VWC2: variants seen among roughly 807,000 people sequenced by gnomAD.
The protein encoded by VWC2 is brorin.
VWC2 carries 14 observed loss-of-function variants against 29.8 expected under a neutral mutation model. The observed-to-expected ratio is 0.47, with a 90% CI of 0.31 to 0.74. The LOEUF is 0.74. VWC2 is among the 30% of genes least tolerant of loss of function. The pLI is 0.05. For missense variants in VWC2, 457 were observed against 459.8 expected (o/e 0.99, Z 0.05); for synonymous variants, 213 against 199.0 (o/e 1.07, Z -0.59).
intron 3 of VWC2, among the ~76,000 whole-genome samples, chr7:49,875,050 A>G (rs1462938774): frequency 1.4e-5 from 2 of 147,808 alleles, no homozygotes; most frequent in Non-Finnish European, 3.0e-5. Flanking sequence ...TGTTTCTGTG[A>G]AAAAAAAAAG....
chr7:49,830,885 A>G (rs958788206), intron 3 of VWC2, among the ~76,000 whole-genome samples: 15 of 152,116 alleles, frequency 9.9e-5, no homozygotes, highest in Admixed American at 1.3e-4. Flanking sequence ...TCCATGGTGT[A>G]TATGTGCCAC....
intron 2 of VWC2, among the ~76,000 whole-genome samples, chr7:49,788,332 A>C (rs554100315): frequency 2.5e-4 from 38 of 152,310 alleles, no homozygotes; most frequent in African/African-American, 8.4e-4. Flanking sequence ...CTTTGGGCAA[A>C]GGCAGACTGA....
intron 3 of VWC2, among the ~76,000 whole-genome samples, chr7:49,867,877 A>C (rs549443277): frequency 5.3e-4 from 80 of 150,904 alleles, no homozygotes; most frequent in African/African-American, 1.9e-3. Context: ...CCTGTTGCCC[A>C]TGCTGGAGTG....
Position 49,917,216 on chromosome 7 carries a change from C to T in VWC2, c.*5031C>T, listed in dbSNP as rs1163848886. The stretch of plus-strand genomic sequence containing the variant: ...TAGCTTCCATAATCTGAATGATAAC[C>T]ATTTAAAAGTGATGGTTGTTGAAAT... On this transcript the variant is annotated 3_prime_UTR_variant, in exon 4 of 4. Transcript: ENST00000340652. 6.6e-6 allele frequency: 1 copy of T among 151,978 alleles called. No individual in the cohort carries two copies. Among genetic ancestry groups the T allele is most frequent in the African/African-American group, 2.4e-5 (1 of 41,388 alleles). The allele number at this position is 151,978 out of a possible 1,614,324, so 9.4% of individuals were successfully genotyped here.
chr7:49,886,706 T>G (rs1791919125), intron 3 of VWC2, among the ~76,000 whole-genome samples: 1 of 152,206 alleles, frequency 6.6e-6, no homozygotes, highest in Non-Finnish European at 1.5e-5. Flanking sequence ...TCACCTATTA[T>G]GTAGTTTTTT....
In VWC2 at chr7:49,877,481, A is replaced by AAAAAAATATACATATATATATATAT; in HGVS notation, c.827-34552_827-34551insAAAAATATACATATATATATATATA. 1.3e-3 allele frequency among the ~76,000 whole-genome samples: 17 copies of AAAAAAATATACATATATATATATAT among 12,728 alleles called. 4 individuals carry two copies. The highest frequency in any genetic ancestry group is 0.013 in the South Asian group (4 of 302). The allele number at this position is 12,728 out of a possible 152,430, so 8.4% of individuals were successfully genotyped here. On this transcript the variant is annotated intron_variant, in intron 3 of 3. Coordinates refer to ENST00000340652, the MANE Select transcript of VWC2 (RefSeq NM_198570.5). ...CTGTCTCAAAAAAAAAAAAAAAAAA[A>AAAAAAATATACATATATATATATAT]ATATATATATATATATATATATATA...
At chr7:49,777,562 T>C (rs1411040855) in intron 2 of VWC2, among the ~76,000 whole-genome samples, 1 of 152,190 alleles carries the variant, frequency 6.6e-6, no homozygotes, top group African/African-American at 2.4e-5. Flanking sequence ...CCTAGGCTCA[T>C]GTAGCAAAAT....
chr7:49,814,550 A>C (rs1245347556), intron 3 of VWC2, among the ~76,000 whole-genome samples: 1 of 152,214 alleles, frequency 6.6e-6, no homozygotes, highest in African/African-American at 2.4e-5. Flanking sequence ...TAAATAAATA[A>C]AGTTACAGAC....
intron 3 of VWC2, among the ~76,000 whole-genome samples, chr7:49,878,390 T>A (rs1019130057): frequency 6.6e-6 from 1 of 152,160 alleles, no homozygotes; most frequent in Non-Finnish European, 1.5e-5. Flanking sequence ...TTTCCTTTAG[T>A]AAAGACCTGA....
Position 49,913,838 on chromosome 7 carries a change from T to C in VWC2, c.*1653T>C, listed in dbSNP as rs1793585528. Reference sequence around the variant, plus strand: ...AGAAAAATGGATACATCTATCATAATTGAAAAATTAAACTATTGTGAACCT... The same window carrying C: ...AGAAAAATGGATACATCTATCATAACTGAAAAATTAAACTATTGTGAACCT... On this transcript the variant is annotated 3_prime_UTR_variant, in exon 4 of 4. Coordinates refer to ENST00000340652, the MANE Select transcript of VWC2 (RefSeq NM_198570.5). 6.6e-6 allele frequency: 1 copy of C among 152,128 alleles called. No homozygotes were observed. Among genetic ancestry groups the C allele is most frequent in the Non-Finnish European group, 1.5e-5 (1 of 68,016 alleles). The allele number at this position is 152,128 out of a possible 1,614,324, so 9.4% of individuals were successfully genotyped here.
Position 49,912,183 on chromosome 7 carries a change from T to C in VWC2, c.976T>C (p.Ter326GlnextTer16), listed in dbSNP as rs1404854514. The part of the protein sequence containing the change: ...MCTRHECRQM[*>Q] ...CACGAGACATGAATGCAGGCAAATG[T>C]AGACGCTTCCCAGAACACAAACTCT... The change falls in exon 4 of 4, where the codon TAG becomes CAG. Residue 326 changes from the stop codon to glutamine, a stop_lost. Coordinates refer to ENST00000340652, the MANE Select transcript of VWC2 (RefSeq NM_198570.5). The C allele has an allele frequency of 2.5e-6, 4 of 1,613,724 alleles. No individual in the cohort carries two copies. Among genetic ancestry groups the C allele is most frequent in the Admixed American group, 1.7e-5 (1 of 59,988 alleles).
In VWC2 at chr7:49,918,366, C is replaced by T. The variant is rs1369685876; in HGVS notation, c.*6181C>T. 9.9e-5 allele frequency: 15 copies of T among 152,072 alleles called. No homozygotes were observed. Among genetic ancestry groups the T allele is most frequent in the Admixed American group, 9.8e-4 (15 of 15,262 alleles). The allele number at this position is 152,072 out of a possible 1,614,324, so 9.4% of individuals were successfully genotyped here. A position where few individuals can be genotyped will look rare whatever the true frequency, so the allele number is the denominator to read the frequency against. On this transcript the variant is annotated 3_prime_UTR_variant, in exon 4 of 4. Coordinates refer to ENST00000340652, the MANE Select transcript of VWC2 (RefSeq NM_198570.5). ...AGAAATTTCCAAAATGGTCTTTTAC[C>T]CCACTCCCCATAAATAAGATAATGA... is the stretch of plus-strand genomic sequence containing the variant.
At chr7:49,871,234 C>G (rs930787181) in intron 3 of VWC2, among the ~76,000 whole-genome samples, 2 of 152,142 alleles carry the variant, frequency 1.3e-5, no homozygotes, top group Non-Finnish European at 2.9e-5. Context: ...TTCTTACAGC[C>G]TTCCATGTAA....
At chr7:49,875,106 T>TATTTCAATTCAGTCTCCTAAACAGGGA (rs1791343600) in intron 3 of VWC2, among the ~76,000 whole-genome samples, 1 of 151,048 alleles carries the variant, frequency 6.6e-6, no homozygotes, top group Non-Finnish European at 1.5e-5. Context: ...GCACGGTGGC[T>TATTTCAATTCAGTCTCCTAAACAGGGA]CATGCCTGTA....
In VWC2 at chr7:49,775,850, C is replaced by T; in HGVS notation, c.415C>T (p.Pro139Ser). ...DAIGPELAPT[P>S]EPPEEYVYPD... ...GATTGGCCCGGAACTCGCGCCCACG[C>T]CCGAGCCACCCGAGGAGTACGTGTA... The change falls in exon 2 of 4, where the codon CCC (proline) becomes TCC (serine). Residue 139 changes from proline to serine, a missense_variant. Coordinates refer to ENST00000340652, the MANE Select transcript of VWC2 (RefSeq NM_198570.5). 1.3e-6 allele frequency: 2 copies of T among 1,551,962 alleles called. No homozygotes were observed. The highest frequency in any genetic ancestry group is 1.7e-6 in the Non-Finnish European group (2 of 1,148,722).
At chr7:49,889,879 A>G (rs913210811) in intron 3 of VWC2, among the ~76,000 whole-genome samples, 5 of 152,224 alleles carry the variant, frequency 3.3e-5, no homozygotes, top group Non-Finnish European at 5.9e-5. Context: ...TAGGGAGACC[A>G]TCTGGCATGT....
At chr7:49,782,271 A>G (rs949882686) in intron 2 of VWC2, among the ~76,000 whole-genome samples, 1 of 152,186 alleles carries the variant, frequency 6.6e-6, no homozygotes, top group Non-Finnish European at 1.5e-5. Context: ...AAATAAATAC[A>G]TGACTTTGAA....
intron 3 of VWC2, among the ~76,000 whole-genome samples, chr7:49,838,148 T>TC (rs1008763498): frequency 6.6e-6 from 1 of 152,038 alleles, no homozygotes; most frequent in Non-Finnish European, 1.5e-5. Flanking sequence ...GTCTTCCCTA[T>TC]CCCCCCATCT....
intron 3 of VWC2, among the ~76,000 whole-genome samples, chr7:49,830,650 T>C (rs2128711308): frequency 6.6e-6 from 1 of 152,284 alleles, no homozygotes; most frequent in African/African-American, 2.4e-5. Flanking sequence ...GTATATCTCC[T>C]AATGCTATCC....
Sources: gnomAD v4.1 joint callset for allele counts (sites outside exome capture counted in the v4.1 genomes callset) on GRCh38, gnomAD v4.1.1 for gene constraint, MANE v1.5 for transcripts, NCBI Gene and HGNC (gene_info 2026-07-23, HGNC 2026-07-21) for gene names.